LTBP1: variants seen among roughly 807,000 people sequenced by gnomAD.
The protein encoded by LTBP1 is latent transforming growth factor beta binding protein 1, also known as latent-transforming growth factor beta-binding protein 1.
A neutral mutation model predicts 207.6 loss-of-function variants in LTBP1; 129 were observed. The ratio of observed to expected loss-of-function variants is 0.62; its 90% CI spans 0.54 to 0.72. The LOEUF (loss-of-function observed/expected upper bound fraction) is 0.72. Ranked by LOEUF, LTBP1 falls within the 30% of genes least tolerant of loss-of-function variation. The pLI is 0.00. For synonymous variants in LTBP1, 963 were observed against 833.7 expected, an observed-to-expected ratio of 1.16 and a Z score of -2.67; for missense variants, 2,281 against 2,217.2, an observed-to-expected ratio of 1.03 and a Z score of -0.58.
intron 24 of LTBP1, among the ~76,000 whole-genome samples, chr2:33,340,732 A>T (rs981922294): frequency 6.6e-6 from 1 of 152,192 alleles, no homozygotes; most frequent in Admixed American, 6.5e-5. Flanking sequence ...ACTATATTGG[A>T]TGTCTCCCTA....
intron 2 of LTBP1, among the ~76,000 whole-genome samples, chr2:32,992,482 A>T (rs1351622089): frequency 1.3e-5 from 2 of 152,184 alleles, no homozygotes; most frequent in East Asian, 3.9e-4. Flanking sequence ...AGCATGTAGG[A>T]TGCTTGCAGA....
chr2:33,155,803 A>G (rs1164088889), intron 5 of LTBP1, among the ~76,000 whole-genome samples: 1 of 152,184 alleles, frequency 6.6e-6, no homozygotes, highest in Non-Finnish European at 1.5e-5. Flanking sequence ...TTATGTAGTC[A>G]TATTTGTAAA....
intron 7 of LTBP1, among the ~76,000 whole-genome samples, chr2:33,214,226 C>G (rs2090521756): frequency 6.6e-6 from 1 of 152,172 alleles, no homozygotes; most frequent in African/African-American, 2.4e-5. Flanking sequence ...CGGTGGGGAC[C>G]TCTGTGTTTT....
Position 33,252,687 on chromosome 2 carries a change from T to C in LTBP1, c.2010T>C (p.Pro670=). ...ATCTCTCTGCTTCAGCTGATCCCCC[T>C]GTGATCTCGGAAGAGAAAGGGCCCT... ...PTFSSCVPDP[P]VISEEKGPCY... is the part of the protein sequence containing the mutation. The change falls in exon 11 of 34, where the codon CCT becomes CCC. Residue 670 remains proline, a synonymous_variant. Coordinates refer to ENST00000404816, the MANE Select transcript of LTBP1 (RefSeq NM_206943.4). 1.2e-6 allele frequency: 2 copies of C among 1,611,936 alleles called. No homozygotes were observed. The highest frequency in any genetic ancestry group is 1.7e-6 in the Non-Finnish European group (2 of 1,178,340).
intron 3 of LTBP1, among the ~76,000 whole-genome samples, chr2:33,028,972 A>G (rs1315906098): frequency 6.6e-6 from 1 of 152,218 alleles, no homozygotes; most frequent in African/African-American, 2.4e-5. Context: ...TGAATATTCA[A>G]TTAAATATTG....
At chr2:33,125,631 G>A (rs1484172171) in intron 4 of LTBP1, among the ~76,000 whole-genome samples, 2 of 152,050 alleles carry the variant, frequency 1.3e-5, no homozygotes, top group African/African-American at 4.8e-5. Context: ...AGGACTTCGA[G>A]ACCAGCCTGG....
chr2:33,276,339 T>C (rs887083660), intron 18 of LTBP1, among the ~76,000 whole-genome samples: 25 of 152,204 alleles, frequency 1.6e-4, no homozygotes, highest in Non-Finnish European at 2.8e-4. Flanking sequence ...TTACATGTGT[T>C]CTGGTACTTT....
intron 3 of LTBP1, among the ~76,000 whole-genome samples, chr2:33,080,559 T>G (rs1167707795): frequency 6.6e-6 from 1 of 152,238 alleles, no homozygotes; most frequent in Non-Finnish European, 1.5e-5. Context: ...ATATTGTATT[T>G]TATAGATAGC....
intron 3 of LTBP1, among the ~76,000 whole-genome samples, chr2:33,104,628 A>G (rs763130902): frequency 2.0e-5 from 3 of 151,974 alleles, no homozygotes; most frequent in Non-Finnish European, 2.9e-5. Context: ...TTGGCCTCCT[A>G]TATTCTCTTT....
chr2:33,201,712 A>G (rs2149099835), intron 7 of LTBP1, among the ~76,000 whole-genome samples: 1 of 152,300 alleles, frequency 6.6e-6, no homozygotes, highest in East Asian at 1.9e-4. Context: ...AAGAAAATAA[A>G]CTTTATGTGG....
intron 3 of LTBP1, among the ~76,000 whole-genome samples, chr2:33,094,201 A>AT (rs2150061011): frequency 6.6e-6 from 1 of 152,316 alleles, no homozygotes; most frequent in Admixed American, 6.5e-5. Flanking sequence ...CTTCAATGAC[A>AT]TAAGAAGGTT....
At chr2:33,077,905 C>T (rs577834323) in intron 3 of LTBP1, among the ~76,000 whole-genome samples, 81 of 152,036 alleles carry the variant, frequency 5.3e-4, no homozygotes, top group Non-Finnish European at 9.6e-4. Flanking sequence ...AACAAAAGGT[C>T]GGCAGCTTGG....
At position 32,952,398 on chromosome 2, in the gene LTBP1, C is replaced by T. The variant is rs1433164510; in HGVS notation, c.565+3453C>T. Among the ~76,000 whole-genome samples the T allele has an allele frequency of 3.9e-5, 6 of 152,326 alleles. No homozygotes were observed. The South Asian group carries it at 1.2e-3, about 32-fold the overall frequency. On this transcript the variant is annotated intron_variant, in intron 2 of 33. Transcript: ENST00000404816. Reference sequence around the variant, plus strand: ...TGCATGTTAATGTTCCTTTTCCAGACACCATTTGTATGTGGATCCCTAGGA... The same window carrying T: ...TGCATGTTAATGTTCCTTTTCCAGATACCATTTGTATGTGGATCCCTAGGA...
intron 20 of LTBP1, among the ~76,000 whole-genome samples, chr2:33,299,228 G>A (rs2093938669): frequency 1.3e-5 from 2 of 148,372 alleles, no homozygotes; most frequent in Non-Finnish European, 1.5e-5. Context: ...GCGACAGAGC[G>A]AGACTCTGTC....
chr2:33,213,952 C>G (rs1204473992), intron 7 of LTBP1, among the ~76,000 whole-genome samples: 1 of 152,148 alleles, frequency 6.6e-6, no homozygotes, highest in Admixed American at 6.5e-5. Context: ...TTGTACCTTT[C>G]TGGAGGCCCT....
intron 3 of LTBP1, among the ~76,000 whole-genome samples, chr2:33,037,880 G>T (rs1237272532): frequency 6.6e-6 from 1 of 152,146 alleles, no homozygotes; most frequent in Admixed American, 6.5e-5. Flanking sequence ...ACCATAGCCA[G>T]CTAATTTTTA....
In LTBP1 at chr2:33,243,720, G is replaced by T. The variant is rs1311120659; in HGVS notation, c.1935G>T (p.Met645Ile). The T allele has an allele frequency of 6.2e-7, 1 of 1,612,878 alleles. No individual in the cohort carries two copies. The highest frequency in any genetic ancestry group is 8.5e-7 in the Non-Finnish European group (1 of 1,179,014). The change falls in exon 10 of 34, where the codon ATG becomes ATT. Residue 645 changes from methionine (M) to isoleucine (I), a missense_variant. Met to Ile is a conservative substitution (Grantham distance 10). Transcript: ENST00000404816. ...CTAATGGTGAGTGTTTGAATACCAT[G>T]GGCAGCTATCGATGTACCTGCAAAA... ...VCPNGECLNTMGSYRCTCKIG... is the reference protein window; with the variant it reads ...VCPNGECLNTIGSYRCTCKIG...
At chr2:33,138,745 G>A (rs2198568) in intron 5 of LTBP1, among the ~76,000 whole-genome samples, 2,154 of 151,602 alleles carry the variant, frequency 0.014, 21 homozygotes, top group Non-Finnish European at 0.02. Context: ...AGTCATGATG[G>A]TCAAAATAAC....
intron 5 of LTBP1, among the ~76,000 whole-genome samples, chr2:33,181,751 G>T (rs1039786251): frequency 1.3e-5 from 2 of 152,260 alleles, no homozygotes; most frequent in Admixed American, 1.3e-4. Context: ...TGTAACCAGC[G>T]TACCACAAGC....
Sources: allele counts gnomAD v4.1 joint callset (sites outside exome capture counted in the v4.1 genomes callset), GRCh38; gene constraint gnomAD v4.1.1; transcripts MANE v1.5; gene names NCBI Gene and HGNC (gene_info 2026-07-23, HGNC 2026-07-21).